Variants in TNR observed in about 807,000 individuals in gnomAD.
TNR encodes the protein tenascin-R.
TNR carries 45 observed loss-of-function variants against 150.4 expected under a neutral mutation model. The observed-to-expected ratio is 0.30, with a 90% CI of 0.24 to 0.38. The LOEUF (loss-of-function observed/expected upper bound fraction) is 0.38, where lower values mean the gene tolerates loss of function less well. TNR is among the 10% of genes least tolerant of loss of function. The pLI, the probability that TNR is intolerant of heterozygous loss-of-function variation, is 1.00. For synonymous variants in TNR, 687 were observed against 678.4 expected, an observed-to-expected ratio of 1.01 and a Z score of -0.20; for missense variants, 1,544 against 1,759.1, an observed-to-expected ratio of 0.88 and a Z score of 2.19.
chr1:175,487,946 G>A (rs1415371787), intron 2 of TNR, among the ~76,000 whole-genome samples: 1 of 152,216 alleles, frequency 6.6e-6, no homozygotes, highest in Non-Finnish European at 1.5e-5. Flanking sequence ...GTGTGTGCAG[G>A]AGAGTGTGTG....
At chr1:175,592,490 G>C (rs993443369) in intron 1 of TNR, among the ~76,000 whole-genome samples, 1 of 151,314 alleles carries the variant, frequency 6.6e-6, no homozygotes, top group East Asian at 1.9e-4. Context: ...GCCTGACTGA[G>C]GGACCCCTGG....
chr1:175,438,714 A>G (rs1225044859), intron 2 of TNR, among the ~76,000 whole-genome samples: 1 of 152,240 alleles, frequency 6.6e-6, no homozygotes, highest in Admixed American at 6.5e-5. Context: ...AAAAATCACA[A>G]GCATTCTTAT....
chr1:175,626,565 T>G (rs1664163641), intron 1 of TNR, among the ~76,000 whole-genome samples: 1 of 152,220 alleles, frequency 6.6e-6, no homozygotes, highest in Non-Finnish European at 1.5e-5. Flanking sequence ...CCATTCTTCA[T>G]GGCAGCCTTC....
Position 175,443,764 on chromosome 1 carries a change from G to A in TNR, c.-63-36987C>T, listed in dbSNP as rs542800602. Among the ~76,000 whole-genome samples, 8 of 152,266 alleles carry A rather than the reference G, an allele frequency of 5.3e-5. No homozygotes were observed. In the East Asian group the frequency reaches 9.6e-4, roughly 18 times the overall value. ...AGAAGATGATGAGTTAGTAAGGAAGGAAGGAAGAAAGAAAAGGCAATGCAA... is the reference window on the plus strand; with the variant it reads ...AGAAGATGATGAGTTAGTAAGGAAGAAAGGAAGAAAGAAAAGGCAATGCAA... On this transcript the variant is annotated intron_variant, in intron 2 of 22. Transcript: ENST00000367674.
intron 2 of TNR, among the ~76,000 whole-genome samples, chr1:175,481,946 T>G (rs532165085): frequency 9.2e-5 from 14 of 152,248 alleles, no homozygotes; most frequent in African/African-American, 3.4e-4. Context: ...AACTGAATAG[T>G]GTCTAAGGGT....
At chr1:175,457,063 C>G (rs1029583485) in intron 2 of TNR, among the ~76,000 whole-genome samples, 3 of 152,164 alleles carry the variant, frequency 2.0e-5, no homozygotes, top group African/African-American at 7.2e-5. Context: ...TGTCAGCAGT[C>G]CTTCCCATTT....
intron 2 of TNR, among the ~76,000 whole-genome samples, chr1:175,418,567 C>T (rs1173768028): frequency 6.6e-6 from 1 of 152,144 alleles, no homozygotes; most frequent in African/African-American, 2.4e-5. Flanking sequence ...ACTAAGAATA[C>T]AAAAATTAGT....
At chr1:175,432,704 A>G (rs1188655207) in intron 2 of TNR, among the ~76,000 whole-genome samples, 1 of 151,124 alleles carries the variant, frequency 6.6e-6, no homozygotes, top group Non-Finnish European at 1.5e-5. Context: ...ATGGTATTGT[A>G]TTAGGAGCCT....
intron 15 of TNR, among the ~76,000 whole-genome samples, chr1:175,357,219 G>A (rs376438732): frequency 1.4e-4 from 21 of 152,150 alleles, no homozygotes; most frequent in African/African-American, 5.1e-4. Flanking sequence ...TTTTGAACTT[G>A]GATTCTATTG....
chr1:175,552,135 T>C (rs1319472728), intron 1 of TNR, among the ~76,000 whole-genome samples: 4 of 152,234 alleles, frequency 2.6e-5, no homozygotes, highest in African/African-American at 9.6e-5. Flanking sequence ...AAAAATCTTA[T>C]AGTATTGTTT....
intron 2 of TNR, among the ~76,000 whole-genome samples, chr1:175,425,269 C>T (rs1157442490): frequency 6.6e-6 from 1 of 152,120 alleles, no homozygotes; most frequent in African/African-American, 2.4e-5. Flanking sequence ...AGTGTACTAG[C>T]TGTGGCAGTG....
chr1:175,359,716 A>C lies in TNR; in HGVS notation c.2870T>G (p.Val957Gly), dbSNP rs1651504621. 1 of 1,612,802 alleles carries C rather than the reference A, an allele frequency of 6.2e-7. No homozygotes were observed. The highest frequency in any genetic ancestry group is 8.5e-7 in the Non-Finnish European group (1 of 1,179,360). ...AGTGATATTGGTAGCAATCAGATCC[A>C]CAGGGTTGTCCATGGCTGAAACAGA... ...TLVHTAMDNP[V>G]DLIATNITPT... The change falls in exon 15 of 23, where the codon GTG becomes GGG. Residue 957 changes from valine to glycine, a missense_variant. Val to Gly is a moderately radical substitution (Grantham distance 109). Coordinates refer to ENST00000367674, the MANE Select transcript of TNR (RefSeq NM_003285.3).
intron 1 of TNR, among the ~76,000 whole-genome samples, chr1:175,741,331 T>A (rs1255815596): frequency 4.6e-5 from 7 of 152,216 alleles, no homozygotes; most frequent in Non-Finnish European, 1.0e-4. Flanking sequence ...TGAGCACTTT[T>A]TTTTCAGAGA....
chr1:175,335,854 A>G (rs1467828753), intron 19 of TNR, 47 bp from the exon 20 acceptor site: 1 of 1,538,818 alleles, frequency 6.5e-7, no homozygotes. Context: ...AAAAAAACAA[A>G]ACCCAAAGAG....
intron 14 of TNR, 120 bp downstream of exon 14, chr1:175,362,543 G>GCA: frequency 8.0e-7 from 1 of 1,254,138 alleles, no homozygotes; most frequent in African/African-American, 1.5e-5. Context: ...AAGACACAGT[G>GCA]AGTTGGAGGA....
chr1:175,407,177 C>G (rs998480468), intron 2 of TNR, among the ~76,000 whole-genome samples: 27 of 152,140 alleles, frequency 1.8e-4, no homozygotes, highest in African/African-American at 6.5e-4. Context: ...GTGTCCTCTC[C>G]TATTTCCCCA....
At chr1:175,635,583 C>A (rs1228505284) in intron 1 of TNR, among the ~76,000 whole-genome samples, 1 of 152,144 alleles carries the variant, frequency 6.6e-6, no homozygotes, top group Non-Finnish European at 1.5e-5. Context: ...AAAACTCCCC[C>A]AAATCCAGTT....
At chr1:175,555,515 G>GGAA (rs771916145) in intron 1 of TNR, among the ~76,000 whole-genome samples, 53 of 127,884 alleles carry the variant, frequency 4.1e-4, no homozygotes, top group African/African-American at 1.5e-3. Flanking sequence ...ACAACTGAGA[G>GGAA]AAAAAAAAAA....
chr1:175,533,767 C>T (rs917678341), intron 1 of TNR, among the ~76,000 whole-genome samples: 36 of 152,060 alleles, frequency 2.4e-4, no homozygotes, highest in Non-Finnish European at 1.2e-4. Flanking sequence ...AACAGGCTGC[C>T]CTTTCCACAT....
Sources: gnomAD v4.1 joint callset for allele counts (sites outside exome capture counted in the v4.1 genomes callset) on GRCh38, gnomAD v4.1.1 for gene constraint, MANE v1.5 for transcripts, NCBI Gene and HGNC (gene_info 2026-07-23, HGNC 2026-07-21) for gene names.